The following GSK3B variants were observed in gnomAD, a reference collection of about 807,000 sequenced individuals.
GSK3B encodes glycogen synthase kinase-3 beta.
Under a neutral mutation model 56.4 loss-of-function variants are expected in GSK3B, and 15 were observed. The observed-to-expected ratio is 0.27, with a 90% confidence interval of 0.18 to 0.41. The LOEUF is 0.41. Ranked by LOEUF, GSK3B falls within the 10% of genes least tolerant of loss-of-function variation. The pLI is 1.00. For synonymous variants in GSK3B, 181 were observed against 188.9 expected (o/e 0.96, Z 0.34); for missense variants, 300 against 513.4 (o/e 0.58, Z 4.02).
intron 8 of GSK3B, among the ~76,000 whole-genome samples, chr3:119,865,466 A>ATATATATTTT (rs1244552588): frequency 5.9e-5 from 2 of 34,110 alleles, no homozygotes; most frequent in African/African-American, 2.2e-4. Flanking sequence ...ATATATATAT[A>ATATATATTTT]TTTTTTTTTT....
At chr3:119,913,363 A>G (rs1386694310) in intron 5 of GSK3B, among the ~76,000 whole-genome samples, 1 of 152,126 alleles carries the variant, frequency 6.6e-6, no homozygotes, top group Admixed American at 6.6e-5. Flanking sequence ...AATTATAAAC[A>G]GGCCCTTCAA....
chr3:119,931,566 G>C (rs1053999365), intron 3 of GSK3B, among the ~76,000 whole-genome samples: 3 of 152,144 alleles, frequency 2.0e-5, no homozygotes, highest in African/African-American at 7.2e-5. Flanking sequence ...CAGTAGTCAA[G>C]ACTGTGCCAC....
chr3:119,997,917 T>C (rs1315823468), intron 2 of GSK3B, among the ~76,000 whole-genome samples: 4 of 152,212 alleles, frequency 2.6e-5, no homozygotes, highest in Non-Finnish European at 5.9e-5. Context: ...GTTATATTAC[T>C]ACTTTACACT....
At chr3:120,085,338 T>C (rs755618139) in intron 1 of GSK3B, among the ~76,000 whole-genome samples, 7 of 152,158 alleles carry the variant, frequency 4.6e-5, no homozygotes, top group Non-Finnish European at 8.8e-5. Context: ...AAGTAATGTA[T>C]AGAATGTGAA....
intron 2 of GSK3B, among the ~76,000 whole-genome samples, chr3:119,964,911 A>G (rs2107509334): frequency 6.6e-6 from 1 of 152,302 alleles, no homozygotes. Flanking sequence ...AATTATATGC[A>G]GTTTTTAAAT....
At chr3:120,012,112 C>T (rs1472100902) in intron 1 of GSK3B, among the ~76,000 whole-genome samples, 1 of 152,218 alleles carries the variant, frequency 6.6e-6, no homozygotes, top group Non-Finnish European at 1.5e-5. Flanking sequence ...TTAATATCAA[C>T]ATCTATTCCC....
At chr3:119,984,762 A>G (rs1464967601) in intron 2 of GSK3B, among the ~76,000 whole-genome samples, 11 of 150,582 alleles carry the variant, frequency 7.3e-5, no homozygotes, top group African/African-American at 1.9e-4. Context: ...CCAGAGGTAC[A>G]AAGAGGAGCT....
At chr3:120,088,317 C>G (rs992499512) in intron 1 of GSK3B, among the ~76,000 whole-genome samples, 2 of 152,120 alleles carry the variant, frequency 1.3e-5, no homozygotes, top group African/African-American at 4.8e-5. Context: ...ATAGAAAACT[C>G]AATAACGTAA....
intron 4 of GSK3B, among the ~76,000 whole-genome samples, chr3:119,923,043 C>T (rs911002979): frequency 5.3e-5 from 8 of 152,054 alleles, no homozygotes; most frequent in East Asian, 1.9e-4. Context: ...TTATATGATA[C>T]GCTCCTATTT....
At position 119,866,637 on chromosome 3, in the gene GSK3B, G is replaced by C. The variant is rs776908454; in HGVS notation, c.910-3032C>G. 3 of 1,584,984 alleles carry C rather than the reference G, an allele frequency of 1.9e-6. No homozygotes were observed. The African/African-American group carries it at 4.0e-5, about 21-fold the overall frequency. ...CCTGTTCCTGACGAATCCTAAAGAT[G>C]ATAATGCAGTGAAATAATCCAAACA... On this transcript the variant is annotated intron_variant, in intron 8 of 10. Transcript: ENST00000264235.
chr3:120,065,974 A>G (rs2058275194), intron 1 of GSK3B, among the ~76,000 whole-genome samples: 1 of 152,302 alleles, frequency 6.6e-6, no homozygotes, highest in South Asian at 2.1e-4. Flanking sequence ...TGACTCCTTA[A>G]TGAATATAGG....
Position 119,878,771 on chromosome 3 carries a change from A to T in GSK3B, c.814-2263T>A, listed in dbSNP as rs1047437708. On this transcript the variant is annotated intron_variant, in intron 7 of 10. Coordinates refer to ENST00000264235, the MANE Select transcript of GSK3B (RefSeq NM_001146156.2). ...ACAGTAAAACATTACTCAGTAATTT[A>T]AAAAGAACAACATGGATGAATCTAA... Among the ~76,000 whole-genome samples the T allele has an allele frequency of 2.0e-5, 3 of 152,342 alleles. No homozygotes were observed. The South Asian group carries it at 6.2e-4, about 32-fold the overall frequency.
intron 7 of GSK3B, among the ~76,000 whole-genome samples, chr3:119,880,417 C>G (rs1162980466): frequency 6.6e-6 from 1 of 152,158 alleles, no homozygotes; most frequent in Non-Finnish European, 1.5e-5. Context: ...TCTCTTCAGT[C>G]TGTTAACTGT....
intron 1 of GSK3B, among the ~76,000 whole-genome samples, chr3:120,071,831 G>T (rs1410669601): frequency 6.6e-6 from 1 of 152,216 alleles, no homozygotes; most frequent in East Asian, 1.9e-4. Context: ...CAGTCCTGGT[G>T]CCAAGAAGGT....
rs954191350 is a variant in GSK3B at position 119,882,909 on chromosome 3, C to T, written c.814-6401G>A. 1.1e-4 allele frequency among the ~76,000 whole-genome samples: 17 copies of T among 152,258 alleles called. 1 individual carries two copies. Among genetic ancestry groups the T allele is most frequent in the Admixed American group, 1.1e-3 (17 of 15,276 alleles). On this transcript the variant is annotated intron_variant, in intron 7 of 10. Coordinates refer to ENST00000264235, the MANE Select transcript of GSK3B (RefSeq NM_001146156.2). Reference sequence around the variant, plus strand: ...TTTAACTAGCTATATTCTTTACCTTCAAAATATAGTTATCAGTGACTGTTA... The same window carrying T: ...TTTAACTAGCTATATTCTTTACCTTTAAAATATAGTTATCAGTGACTGTTA...
intron 6 of GSK3B, among the ~76,000 whole-genome samples, chr3:119,907,810 C>T (rs1228101278): frequency 1.3e-5 from 2 of 152,084 alleles, no homozygotes; most frequent in African/African-American, 4.8e-5. Context: ...TAGAGCTAGG[C>T]CTGGAATCAT....
At chr3:120,039,938 G>A (rs901000890) in intron 1 of GSK3B, among the ~76,000 whole-genome samples, 3 of 152,168 alleles carry the variant, frequency 2.0e-5, no homozygotes, top group African/African-American at 4.8e-5. Context: ...GTCCTCTCCC[G>A]TGAAGAGGTG....
At chr3:119,922,757 T>G (rs1381773464) in intron 4 of GSK3B, among the ~76,000 whole-genome samples, 1 of 152,096 alleles carries the variant, frequency 6.6e-6, no homozygotes, top group Non-Finnish European at 1.5e-5. Context: ...ACTTAACTAC[T>G]AGTTTTCACA....
chr3:120,025,238 G>T (rs1456491417), intron 1 of GSK3B, among the ~76,000 whole-genome samples: 1 of 152,156 alleles, frequency 6.6e-6, no homozygotes, highest in African/African-American at 2.4e-5. Flanking sequence ...CAGCTACTTG[G>T]GAGGTTGAGG....
Sources: gnomAD v4.1 joint callset for allele counts (sites outside exome capture counted in the v4.1 genomes callset) on GRCh38, gnomAD v4.1.1 for gene constraint, MANE v1.5 for transcripts, NCBI Gene and HGNC (gene_info 2026-07-23, HGNC 2026-07-21) for gene names.